Variants in AGBL4 observed in about 807,000 individuals in gnomAD.
The protein encoded by AGBL4 is AGBL carboxypeptidase 4.
AGBL4 carries 58 observed loss-of-function variants against 66.4 expected under a neutral mutation model. The observed-to-expected ratio is 0.87, with a 90% CI of 0.71 to 1.09. The LOEUF (loss-of-function observed/expected upper bound fraction) is 1.09. AGBL4 is among the 50% of genes least tolerant of loss of function. The pLI is 0.00. For missense variants in AGBL4, 579 were observed against 631.0 expected, an observed-to-expected ratio of 0.92 and a Z score of 0.88; for synonymous variants, 234 against 222.9, an observed-to-expected ratio of 1.05 and a Z score of -0.44.
At chr1:49,785,893 A>AAAAAATAT (rs1407219283) in intron 2 of AGBL4, among the ~76,000 whole-genome samples, 2 of 140,916 alleles carry the variant, frequency 1.4e-5, no homozygotes, top group African/African-American at 5.2e-5. Flanking sequence ...GGAAAAAAAA[A>AAAAAATAT]ATATATATAT....
At chr1:49,947,712 GAAAT>G in intron 1 of AGBL4, among the ~76,000 whole-genome samples, 1 of 150,946 alleles carries the variant, frequency 6.6e-6, no homozygotes, top group South Asian at 2.1e-4. Flanking sequence ...ACAAAAGAAA[GAAAT>G]AAAGGGCATC....
At chr1:48,709,963 T>C (rs1319085186) in intron 6 of AGBL4, among the ~76,000 whole-genome samples, 3 of 152,116 alleles carry the variant, frequency 2.0e-5, no homozygotes, top group African/African-American at 7.2e-5. Flanking sequence ...AAGAACCCCA[T>C]GAAATAGGTC....
intron 1 of AGBL4, among the ~76,000 whole-genome samples, chr1:50,019,263 TTCTCTCTCTCTC>T (rs71059571): frequency 1.6e-4 from 13 of 83,670 alleles, no homozygotes; most frequent in Admixed American, 3.0e-4. Context: ...AAAAAAAATA[TTCTCTCTCTCTC>T]TCTCTCTCTC....
chr1:49,475,045 C>T (rs962963385), intron 3 of AGBL4, among the ~76,000 whole-genome samples: 1 of 151,890 alleles, frequency 6.6e-6, no homozygotes, highest in Non-Finnish European at 1.5e-5. Context: ...CCAGTTTTTG[C>T]CCATTCACTA....
chr1:49,233,050 A>G lies in AGBL4; in HGVS notation c.377+12720T>C, dbSNP rs1345326214. ...CTTGGATAATTTATAATTTTTCCCAATTACAATGTACACTGCCATGAACAT... is the reference window on the plus strand; with the variant it reads ...CTTGGATAATTTATAATTTTTCCCAGTTACAATGTACACTGCCATGAACAT... On this transcript the variant is annotated intron_variant, in intron 4 of 13. Coordinates refer to ENST00000371839, the MANE Select transcript of AGBL4 (RefSeq NM_032785.4). Among the ~76,000 whole-genome samples the G allele has an allele frequency of 2.0e-5, 3 of 152,196 alleles. No homozygotes were observed. The East Asian group carries it at 5.8e-4, about 29-fold the overall frequency.
intron 8 of AGBL4, among the ~76,000 whole-genome samples, chr1:48,639,838 T>C (rs1299912204): frequency 1.3e-5 from 2 of 152,172 alleles, no homozygotes; most frequent in African/African-American, 4.8e-5. Flanking sequence ...TGCTAGTATG[T>C]TCTGCTTGTG....
rs569105573 is a variant in AGBL4 at position 48,600,122 on chromosome 1, G to A, written c.952-9137C>T. 1.1e-4 allele frequency among the ~76,000 whole-genome samples: 16 copies of A among 152,276 alleles called. No individual in the cohort carries two copies. In the East Asian group the frequency reaches 1.9e-3, roughly 18 times the overall value. Reference sequence around the variant, plus strand: ...GGAGGGTGTGGCCTGTGAATCCTTCGAAGCCTAGAACTGCATCTGGTTCAC... The same window carrying A: ...GGAGGGTGTGGCCTGTGAATCCTTCAAAGCCTAGAACTGCATCTGGTTCAC... On this transcript the variant is annotated intron_variant, in intron 9 of 13. Coordinates refer to ENST00000371839, the MANE Select transcript of AGBL4 (RefSeq NM_032785.4).
intron 5 of AGBL4, among the ~76,000 whole-genome samples, chr1:48,878,680 G>A (rs1342669276): frequency 6.6e-6 from 1 of 152,080 alleles, no homozygotes. Flanking sequence ...GATTCAGATC[G>A]GTATCTCCAG....
chr1:49,299,321 AC>A (rs1474583641), intron 3 of AGBL4, among the ~76,000 whole-genome samples: 1 of 152,206 alleles, frequency 6.6e-6, no homozygotes, highest in Non-Finnish European at 1.5e-5. Context: ...CTAAGGTAAC[AC>A]AGCTTGTGGT....
chr1:49,114,135 A>G (rs1645468893), intron 4 of AGBL4, among the ~76,000 whole-genome samples: 1 of 152,202 alleles, frequency 6.6e-6, no homozygotes, highest in Non-Finnish European at 1.5e-5. Context: ...TTTCAATATA[A>G]GATGTGTCTA....
intron 4 of AGBL4, among the ~76,000 whole-genome samples, chr1:49,137,703 C>A (rs940056204): frequency 1.3e-5 from 2 of 152,016 alleles, no homozygotes; most frequent in African/African-American, 4.8e-5. Context: ...CATAATTGGG[C>A]ATCTTCAAAA....
At chr1:50,020,982 A>T (rs1449158129) in intron 1 of AGBL4, among the ~76,000 whole-genome samples, 1 of 152,226 alleles carries the variant, frequency 6.6e-6, no homozygotes, top group Non-Finnish European at 1.5e-5. Context: ...AAAGACAATA[A>T]GGGTCAATAA....
chr1:49,062,930 T>C (rs1451440361), intron 4 of AGBL4, among the ~76,000 whole-genome samples: 1 of 152,244 alleles, frequency 6.6e-6, no homozygotes, highest in Non-Finnish European at 1.5e-5. Flanking sequence ...AAAGCTTTCA[T>C]ACTTCAGTAG....
chr1:49,872,990 C>T (rs978615014), intron 1 of AGBL4, among the ~76,000 whole-genome samples: 1 of 151,686 alleles, frequency 6.6e-6, no homozygotes, highest in Non-Finnish European at 1.5e-5. Context: ...TCTTTCTTTC[C>T]CCTTTTTTCC....
At chr1:49,129,748 G>A (rs1224914060) in intron 4 of AGBL4, among the ~76,000 whole-genome samples, 2 of 151,784 alleles carry the variant, frequency 1.3e-5, no homozygotes, top group Non-Finnish European at 2.9e-5. Context: ...AGTCTTTGCT[G>A]TTGTGAATAG....
intron 5 of AGBL4, among the ~76,000 whole-genome samples, chr1:48,905,751 C>T (rs1266874518): frequency 6.6e-6 from 1 of 152,080 alleles, no homozygotes; most frequent in African/African-American, 2.4e-5. Context: ...ATGAATGTAC[C>T]TTTGGTTGAG....
chr1:48,796,866 A>G (rs1052369290), intron 6 of AGBL4, among the ~76,000 whole-genome samples: 2 of 152,200 alleles, frequency 1.3e-5, no homozygotes, highest in African/African-American at 4.8e-5. Context: ...CAACCATGTG[A>G]TAAATATAGC....
chr1:48,600,512 T>A (rs1463796550), intron 9 of AGBL4, among the ~76,000 whole-genome samples: 3 of 152,220 alleles, frequency 2.0e-5, no homozygotes, highest in African/African-American at 7.2e-5. Flanking sequence ...CTGCAATCCA[T>A]GCACTTAAAC....
intron 4 of AGBL4, among the ~76,000 whole-genome samples, chr1:49,102,014 T>TGAGAGA (rs1164361211): frequency 6.6e-6 from 1 of 150,666 alleles, no homozygotes; most frequent in African/African-American, 2.5e-5. Flanking sequence ...CATGATCAAC[T>TGAGAGA]GAGAGAGGGA....
Sources: gnomAD v4.1 joint callset for allele counts (sites outside exome capture counted in the v4.1 genomes callset) on GRCh38, gnomAD v4.1.1 for gene constraint, MANE v1.5 for transcripts, NCBI Gene and HGNC (gene_info 2026-07-23, HGNC 2026-07-21) for gene names.